Variants in SEC16A observed in about 807,000 individuals in gnomAD.
The protein encoded by SEC16A is SEC16 homolog A, endoplasmic reticulum export factor.
Under a neutral mutation model 221.9 loss-of-function variants are expected in SEC16A, and 110 were observed. The ratio of observed to expected loss-of-function variants is 0.50; its 90% CI spans 0.42 to 0.58. The LOEUF is 0.58. Among genes scored for constraint, SEC16A ranks in the 20% least tolerant of loss-of-function variants. SEC16A has a pLI of 0.00. For missense variants in SEC16A, 3,165 were observed against 3,097.8 expected (o/e 1.02, Z -0.52); for synonymous variants, 1,393 against 1,257.7 (o/e 1.11, Z -2.28).
At chr9:136,468,997 C>T (rs1034833753) in intron 4 of SEC16A, among the ~76,000 whole-genome samples, 15 of 152,038 alleles carry the variant, frequency 9.9e-5, no homozygotes, top group African/African-American at 3.1e-4. Flanking sequence ...TACAGGCACG[C>T]GCTACCACAC....
At chr9:136,448,864 G>A (rs1348292323) in intron 23 of SEC16A, 4 of 710,738 alleles carry the variant, frequency 5.6e-6, no homozygotes, top group African/African-American at 3.5e-5. Context: ...GGAGGTGGGA[G>A]GGAACCGGGA....
chr9:136,446,291 T>C (rs988892313), intron 28 of SEC16A, among the ~76,000 whole-genome samples: 1 of 151,442 alleles, frequency 6.6e-6, no homozygotes, highest in African/African-American at 2.4e-5. Context: ...TTTTTTTTAG[T>C]AGAGATGGGG....
At chr9:136,463,640 G>A (rs1165528528) in intron 10 of SEC16A, 39 bp from the exon 11 acceptor site, 2 of 1,613,650 alleles carry the variant, frequency 1.2e-6, no homozygotes, top group Admixed American at 3.3e-5. Flanking sequence ...ATGTCTGCAA[G>A]GCCGGGCTCA....
At chr9:136,442,570 G>A (rs752896800) in intron 31 of SEC16A, among the ~76,000 whole-genome samples, 1 of 152,256 alleles carries the variant, frequency 6.6e-6, no homozygotes, top group African/African-American at 2.4e-5. Flanking sequence ...CACAGGCAAG[G>A]GAGAGGGGAG....
Position 136,475,135 on chromosome 9 carries a change from T to G in SEC16A, c.2481A>C (p.Pro827=). The part of the protein sequence containing the change: ...SPPTESLQNP[P]VLIAQPDHSY... ...TGTGATCAGGCTGAGCAATCAAGACTGGAGGATTCTGCAGAGACTCAGTGG... is the reference window on the plus strand; with the variant it reads ...TGTGATCAGGCTGAGCAATCAAGACGGGAGGATTCTGCAGAGACTCAGTGG... Residue 827 remains proline (P), a synonymous_variant, in exon 3 of 32, where the codon CCA becomes CCC. Transcript: ENST00000684901. This position sits in a 1 kb window ranked among gnomAD's most constrained non-coding sequence, Gnocchi z 5.0. The G allele has an allele frequency of 6.2e-7, 1 of 1,613,922 alleles. No individual in the cohort carries two copies. The highest frequency in any genetic ancestry group is 8.5e-7 in the Non-Finnish European group (1 of 1,179,880).
At chr9:136,483,585 G>C, upstream of SEC16A, 1 of 985,386 alleles carries the variant, frequency 1.0e-6, no homozygotes, top group South Asian at 4.7e-5. Flanking sequence ...TGTTTACGCT[G>C]GCTCTTTCTC....
In SEC16A at chr9:136,460,124, C is replaced by T. The variant is rs746845238; in HGVS notation, c.4992-1G>A. 6.2e-7 allele frequency: 1 copy of T among 1,601,124 alleles called. No individual in the cohort carries two copies. Among genetic ancestry groups the T allele is most frequent in the East Asian group, 2.3e-5 (1 of 44,358 alleles). On this transcript the variant is annotated splice_acceptor_variant, in intron 13 of 31. Coordinates refer to ENST00000684901, the MANE Select transcript of SEC16A (RefSeq NM_014866.2). LOFTEE classifies it high-confidence loss of function. ...GTTGATTGGGAGGCTGTTAGCAAAC[C>T]TAGGCAGACATAAACACAGAAAGAC...
At chr9:136,453,634 G>C in intron 21 of SEC16A, 124 bp from the exon 22 acceptor site, 3 of 733,982 alleles carry the variant, frequency 4.1e-6, no homozygotes, top group South Asian at 3.1e-5. Context: ...ATGATCTGCA[G>C]AAACCAAGGC....
intron 5 of SEC16A, among the ~76,000 whole-genome samples, chr9:136,468,170 T>C (rs1297161277): frequency 6.6e-6 from 1 of 152,264 alleles, no homozygotes; most frequent in African/African-American, 2.4e-5. Flanking sequence ...TCTGCCAATA[T>C]GACAAAGATG....
At chr9:136,469,069 C>T (rs1486461241) in intron 4 of SEC16A, among the ~76,000 whole-genome samples, 2 of 152,078 alleles carry the variant, frequency 1.3e-5, no homozygotes, top group East Asian at 1.9e-4. Flanking sequence ...AGGCTGGTCT[C>T]GAACACCTGG....
At chr9:136,480,876 G>A (rs117023249) in intron 1 of SEC16A, among the ~76,000 whole-genome samples, 2,878 of 145,320 alleles carry the variant, frequency 0.02, 47 homozygotes, top group Non-Finnish European at 0.027. Context: ...GGCAGAGCGA[G>A]ACTCCGTCTC....
In SEC16A at chr9:136,466,614, C is replaced by T. The variant is rs1564508724; in HGVS notation, c.3930-152G>A. Among the ~76,000 whole-genome samples, 2 of 152,180 alleles carry T rather than the reference C, an allele frequency of 1.3e-5. No homozygotes were observed. Among genetic ancestry groups the T allele is most frequent in the Admixed American group, 6.5e-5 (1 of 15,292 alleles). ...ACACTCAGGGCCCTCTGACGTGCAA[C>T]GTTAGAGAAGTACTGCGAATGCGTC... is the stretch of plus-strand genomic sequence containing the variant. On this transcript the variant is annotated intron_variant, in intron 6 of 31. Transcript: ENST00000684901. This position sits in a 1 kb window ranked among gnomAD's most constrained non-coding sequence, Gnocchi z 5.5.
intron 12 of SEC16A, 64 bp downstream of exon 12, chr9:136,462,823 C>A: frequency 6.4e-7 from 1 of 1,560,766 alleles, no homozygotes; most frequent in Non-Finnish European, 8.6e-7. Context: ...AAGGCTGCAA[C>A]CCCGCACCAG....
At chr9:136,464,040 C>A (rs1839840736) in intron 9 of SEC16A, among the ~76,000 whole-genome samples, 1 of 152,260 alleles carries the variant, frequency 6.6e-6, no homozygotes, top group African/African-American at 2.4e-5. Flanking sequence ...GAGGCGCATG[C>A]CAGCCCCCGT....
intron 28 of SEC16A, 48 bp from the exon 29 acceptor site, chr9:136,445,767 A>G: frequency 6.6e-7 from 1 of 1,510,540 alleles, no homozygotes; most frequent in Non-Finnish European, 9.0e-7. Context: ...AGGGAATTTA[A>G]GTCTCTCACA....
At position 136,463,327 on chromosome 9, in the gene SEC16A, T is replaced by C. The variant is rs192966055; in HGVS notation, c.4647+136A>G. 6 of 1,289,162 alleles carry C rather than the reference T, an allele frequency of 4.7e-6. No individual in the cohort carries two copies. The African/African-American group carries it at 8.8e-5, about 19-fold the overall frequency. The allele number at this position is 1,289,162 out of a possible 1,614,324, so 79.9% of individuals were successfully genotyped here. On this transcript the variant is annotated intron_variant, in intron 11 of 31. Transcript: ENST00000684901. ...CCCTCCCTACCCAGCCACTACAGTG[T>C]GCTTCCTAAGGGGGCCCTCGAGGCT...
chr9:136,476,247 C>G lies in SEC16A; in HGVS notation c.1369G>C (p.Glu457Gln), dbSNP rs1841610642. The change falls in exon 3 of 32, where the codon GAG (glutamate) becomes CAG (glutamine). Residue 457 changes from glutamate (E) to glutamine (Q), a missense_variant. This residue lies in a region of SEC16A where 2,030 missense variants were observed against 1,923.1 expected (regional missense o/e 1.06). Coordinates refer to ENST00000684901, the MANE Select transcript of SEC16A (RefSeq NM_014866.2). ...ACAAATTCTAAGTTCTCAACATTCT[C>G]ATACTGCGAGCCGCTGGCATCCGGC... The part of the protein sequence containing the change: ...GVPDASGSQY[E>Q]NVENLEFVQN... The G allele has an allele frequency of 6.2e-7, 1 of 1,613,494 alleles. No individual in the cohort carries two copies. The highest frequency in any genetic ancestry group is 8.5e-7 in the Non-Finnish European group (1 of 1,179,896).
chr9:136,478,731 G>A lies in SEC16A; in HGVS notation c.-92C>T, dbSNP rs552786459. On this transcript the variant is annotated 5_prime_UTR_variant, in exon 2 of 32. Coordinates refer to ENST00000684901, the MANE Select transcript of SEC16A (RefSeq NM_014866.2). Reference sequence around the variant, plus strand: ...CACCTGTAGTCCCAGGGACTCAGGGGGTTAAGGAAGGAAGATCACTTGTGT... The same window carrying A: ...CACCTGTAGTCCCAGGGACTCAGGGAGTTAAGGAAGGAAGATCACTTGTGT... Among the ~76,000 whole-genome samples, 5 of 152,256 alleles carry A rather than the reference G, an allele frequency of 3.3e-5. No individual in the cohort carries two copies. In the South Asian group the frequency reaches 1.0e-3, roughly 32 times the overall value.
intron 12 of SEC16A, 50 bp downstream of exon 12, chr9:136,462,837 C>T (rs759994502): frequency 1.3e-5 from 21 of 1,580,330 alleles, no homozygotes; most frequent in Non-Finnish European, 1.8e-5. Flanking sequence ...GCACCAGGCC[C>T]GACCCAGTGG....
Sources: allele counts gnomAD v4.1 joint callset (sites outside exome capture counted in the v4.1 genomes callset), GRCh38; gene constraint gnomAD v4.1.1; regional missense constraint gnomAD v4.1.1; non-coding constraint Gnocchi (gnomAD v3.1); transcripts MANE v1.5; gene names NCBI Gene and HGNC (gene_info 2026-07-23, HGNC 2026-07-21).